COL4A5: variants seen among roughly 807,000 people sequenced by gnomAD.
The protein encoded by COL4A5 is collagen type IV alpha 5 chain, also known as collagen alpha-5(IV) chain.
A neutral mutation model predicts 130.2 loss-of-function variants in COL4A5; 26 were observed. The ratio of observed to expected loss-of-function variants is 0.20; its 90% CI spans 0.15 to 0.28. COL4A5 has a LOEUF of 0.28. Among genes scored for constraint, COL4A5 ranks in the 10% least tolerant of loss-of-function variants. The probability of loss-of-function intolerance (pLI) is 1.00; values close to 1 mark genes in which losing one functional copy is unlikely to be tolerated. For synonymous variants in COL4A5, 496 were observed against 439.6 expected (o/e 1.13, Z -1.60); for missense variants, 1,131 against 1,344.3 (o/e 0.84, Z 2.48).
chrX:108,554,748 C>T (rs2065799654), intron 2 of COL4A5, among the ~76,000 whole-genome samples: 1 of 110,690 alleles, frequency 9.0e-6, no homozygotes, highest in Non-Finnish European at 1.9e-5. Flanking sequence ...GTAGTTCCAG[C>T]TACTCAGGGA....
At chrX:108,482,920 C>T (rs73524425) in intron 1 of COL4A5, among the ~76,000 whole-genome samples, 11,616 of 111,198 alleles carry the variant, frequency 0.1, 1,303 homozygotes, top group African/African-American at 0.34. Context: ...ATGTATTATG[C>T]ATAGAGTCAC....
intron 1 of COL4A5, among the ~76,000 whole-genome samples, chrX:108,494,280 G>A (rs1336967522): frequency 1.8e-5 from 2 of 110,973 alleles, no homozygotes; most frequent in South Asian, 3.8e-4. Context: ...GCACCACTCT[G>A]ACACATGGAT....
intron 1 of COL4A5, among the ~76,000 whole-genome samples, chrX:108,466,046 T>A (rs192150376): frequency 1.6e-3 from 176 of 112,020 alleles, no homozygotes; most frequent in African/African-American, 5.5e-3. Flanking sequence ...TTATTTCACT[T>A]AGTATTTTCA....
chrX:108,469,187 TG>T (rs1432442041), intron 1 of COL4A5, among the ~76,000 whole-genome samples: 1 of 104,966 alleles, frequency 9.5e-6, no homozygotes, highest in African/African-American at 3.5e-5. Context: ...TTTTTTTTTT[TG>T]AAACGGGATC....
chrX:108,672,509 A>G (rs1378246214), intron 42 of COL4A5, among the ~76,000 whole-genome samples: 1 of 112,227 alleles, frequency 8.9e-6, no homozygotes, highest in East Asian at 2.8e-4. Flanking sequence ...TTTAAAATAT[A>G]CCAGTCAATT....
At chrX:108,531,652 C>T (rs186169389) in intron 1 of COL4A5, among the ~76,000 whole-genome samples, 1 of 110,103 alleles carries the variant, frequency 9.1e-6, no homozygotes, top group African/African-American at 3.3e-5. Context: ...AAGGGCCCAA[C>T]AAAATGTAAA....
At chrX:108,568,516 GAC>G in intron 4 of COL4A5, 111 bp from the exon 5 acceptor site, 3 of 548,379 alleles carry the variant, frequency 5.5e-6, no homozygotes, top group Non-Finnish European at 9.4e-6. Context: ...TAAATAGTGA[GAC>G]ACAATTTTTC....
intron 36 of COL4A5, 137 bp from the exon 37 acceptor site, chrX:108,655,194 G>T: frequency 1.5e-6 from 1 of 664,272 alleles, no homozygotes; most frequent in Non-Finnish European, 2.3e-6. Context: ...CTGTTGTGAT[G>T]ATTAAATGAA....
chrX:108,528,496 C>T (rs926808609), intron 1 of COL4A5, among the ~76,000 whole-genome samples: 1 of 112,409 alleles, frequency 8.9e-6, no homozygotes, highest in Non-Finnish European at 1.9e-5. Flanking sequence ...TGCAAAGGAA[C>T]ACAATAATTC....
chrX:108,518,301 C>T (rs946723647), intron 1 of COL4A5, among the ~76,000 whole-genome samples: 1 of 111,313 alleles, frequency 9.0e-6, no homozygotes, highest in African/African-American at 3.3e-5. Context: ...AAAAAATTTA[C>T]CCTAAGTGAG....
In COL4A5 at chrX:108,600,115, T is replaced by C. The variant is rs185268079; in HGVS notation, c.1948+1245T>C. Among the ~76,000 whole-genome samples, 8 of 112,874 alleles carry C rather than the reference T, an allele frequency of 7.1e-5. No individual in the cohort carries two copies. The East Asian group carries it at 2.2e-3, about 31-fold the overall frequency. ...AAAGTTTAGCACCTTTTCATGTGTT[T>C]ATTGGTCATTTGAATTTGCTTTTGT... On this transcript the variant is annotated intron_variant, in intron 25 of 52. Transcript: ENST00000328300.
intron 1 of COL4A5, among the ~76,000 whole-genome samples, chrX:108,511,828 A>G (rs1489707030): frequency 1.8e-5 from 2 of 112,096 alleles, no homozygotes; most frequent in Non-Finnish European, 3.8e-5. Context: ...TTTATATGCA[A>G]TGTACAAAAT....
rs748642150 is a variant in COL4A5 at position 108,451,113 on chromosome X, C to T, written c.81+10907C>T. ...TGCGGTGTTTGATTTTTTGTCTTTG[C>T]GATAGTTTACTGAGAATGATGATTT... On this transcript the variant is annotated intron_variant, in intron 1 of 52. Transcript: ENST00000328300. Among the ~76,000 whole-genome samples the T allele has an allele frequency of 1.2e-4, 13 of 108,822 alleles. No homozygotes were observed. In the East Asian group the frequency reaches 2.3e-3, roughly 19 times the overall value. 94.5% of individuals were successfully genotyped at this position (108,822 alleles called of 115,157 possible).
At chrX:108,662,715 C>T (rs1189575555) in intron 37 of COL4A5, among the ~76,000 whole-genome samples, 3 of 111,836 alleles carry the variant, frequency 2.7e-5, no homozygotes, top group Non-Finnish European at 3.8e-5. Context: ...AATAAGGACA[C>T]AAACAAATGG....
chrX:108,676,459 G>C (rs1247660461), intron 43 of COL4A5, among the ~76,000 whole-genome samples: 3 of 111,440 alleles, frequency 2.7e-5, no homozygotes, highest in African/African-American at 9.8e-5. Context: ...TTGCTTAATG[G>C]ACCTCATACC....
rs1182695112 is a variant in COL4A5 at position 108,658,518 on chromosome X, C to T, written c.3373+3061C>T. ...TCTTTAAATGTTTCATAGAATTCAC[C>T]AGTTAAGGAATCTGGATCTGTAGTT... On this transcript the variant is annotated intron_variant, in intron 37 of 52. Transcript: ENST00000328300. 6.3e-5 allele frequency among the ~76,000 whole-genome samples: 7 copies of T among 111,126 alleles called. No homozygotes were observed. In the Admixed American group the frequency reaches 6.7e-4, roughly 11 times the overall value.
chrX:108,653,349 C>A (rs999681809), intron 36 of COL4A5, among the ~76,000 whole-genome samples: 2 of 109,622 alleles, frequency 1.8e-5, no homozygotes, highest in Admixed American at 1.9e-4. Flanking sequence ...GTGGATAATA[C>A]CTAACCTTTT....
intron 41 of COL4A5, among the ~76,000 whole-genome samples, chrX:108,669,380 A>G (rs758506927): frequency 8.9e-6 from 1 of 112,436 alleles, no homozygotes; most frequent in Admixed American, 9.4e-5. Context: ...AATGTTATTT[A>G]TATTACAGTA....
chrX:108,646,884 T>G (rs1217361396), intron 36 of COL4A5, among the ~76,000 whole-genome samples: 4 of 109,894 alleles, frequency 3.6e-5, no homozygotes, highest in Non-Finnish European at 7.6e-5. Context: ...AAAGATCAGA[T>G]AGTTGTAGAT....
Sources: allele counts gnomAD v4.1 joint callset (sites outside exome capture counted in the v4.1 genomes callset), GRCh38; gene constraint gnomAD v4.1.1; transcripts MANE v1.5; gene names NCBI Gene and HGNC (gene_info 2026-07-23, HGNC 2026-07-21).